The following KCNH8 variants were observed in gnomAD, a reference collection of about 807,000 sequenced individuals.
KCNH8 encodes voltage-gated delayed rectifier potassium channel KCNH8.
A neutral mutation model predicts 103.6 loss-of-function variants in KCNH8; 70 were observed. The ratio of observed to expected loss-of-function variants is 0.68; its 90% CI spans 0.56 to 0.82. The LOEUF (loss-of-function observed/expected upper bound fraction) is 0.82. Among genes scored for constraint, KCNH8 ranks in the 40% least tolerant of loss-of-function variants. The pLI is 0.00. For missense variants in KCNH8, 1,217 were observed against 1,329.9 expected (o/e 0.92, Z 1.32); for synonymous variants, 498 against 489.4 (o/e 1.02, Z -0.23).
chr3:19,173,190 C>T (rs2063364567), intron 1 of KCNH8, among the ~76,000 whole-genome samples: 2 of 151,964 alleles, frequency 1.3e-5, no homozygotes, highest in Admixed American at 6.6e-5. Flanking sequence ...AAAACAAATG[C>T]CATGCTGTAT....
intron 1 of KCNH8, among the ~76,000 whole-genome samples, chr3:19,222,925 G>A (rs2063891429): frequency 1.3e-5 from 2 of 152,222 alleles, no homozygotes; most frequent in African/African-American, 4.8e-5. Flanking sequence ...CATGCTAAGT[G>A]TAGACCTTTA....
chr3:19,315,175 C>T (rs1006551524), intron 3 of KCNH8, among the ~76,000 whole-genome samples: 1 of 151,908 alleles, frequency 6.6e-6, no homozygotes, highest in Non-Finnish European at 1.5e-5. Flanking sequence ...ATTGTGCAGA[C>T]TTGAAACTGG....
At chr3:19,193,993 G>A (rs960239381) in intron 1 of KCNH8, among the ~76,000 whole-genome samples, 1 of 151,710 alleles carries the variant, frequency 6.6e-6, no homozygotes, top group African/African-American at 2.4e-5. Context: ...TTGATAAGGT[G>A]TAGAACCGAG....
At chr3:19,271,164 T>A (rs1351880105) in intron 2 of KCNH8, among the ~76,000 whole-genome samples, 6 of 152,138 alleles carry the variant, frequency 3.9e-5, no homozygotes. Flanking sequence ...GCACTGTGTT[T>A]TGGCAGAAAG....
intron 5 of KCNH8, 73 bp downstream of exon 5, chr3:19,348,038 T>A: frequency 6.4e-7 from 1 of 1,552,150 alleles, no homozygotes; most frequent in South Asian, 1.2e-5. Context: ...TTTTCTGACA[T>A]GAATTTGAAC....
chr3:19,167,661 T>C (rs574341592), intron 1 of KCNH8, among the ~76,000 whole-genome samples: 16 of 152,350 alleles, frequency 1.1e-4, no homozygotes, highest in Admixed American at 7.8e-4. Context: ...TGTACACAGA[T>C]TCTGGTATTT....
intron 1 of KCNH8, among the ~76,000 whole-genome samples, chr3:19,231,156 AAAG>A (rs1485698081): frequency 3.3e-5 from 5 of 152,174 alleles, no homozygotes; most frequent in Admixed American, 1.3e-4. Context: ...ATTAACTGAA[AAAG>A]AAGAACTATT....
chr3:19,153,620 T>TTTC (rs1553618180), intron 1 of KCNH8, among the ~76,000 whole-genome samples: 26 of 151,318 alleles, frequency 1.7e-4, no homozygotes, highest in African/African-American at 6.0e-4. Context: ...TTTTCTTTTC[T>TTTC]TTTCTTTCTT....
At chr3:19,306,160 T>A (rs1273783541) in intron 3 of KCNH8, among the ~76,000 whole-genome samples, 1 of 152,038 alleles carries the variant, frequency 6.6e-6, no homozygotes, top group Non-Finnish European at 1.5e-5. Context: ...AATGTTCAGG[T>A]CAAATGAATA....
chr3:19,203,251 C>T (rs2063681661), intron 1 of KCNH8, among the ~76,000 whole-genome samples: 1 of 151,878 alleles, frequency 6.6e-6, no homozygotes, highest in Admixed American at 6.6e-5. Flanking sequence ...TGTTAGAGCT[C>T]CCATCTTTGA....
At chr3:19,206,853 C>G (rs76892492) in intron 1 of KCNH8, among the ~76,000 whole-genome samples, 4,277 of 151,932 alleles carry the variant, frequency 0.028, 208 homozygotes, top group African/African-American at 0.096. Flanking sequence ...GAGAGAAAAG[C>G]CTGCCAGATA....
chr3:19,396,831 G>A (rs1217062332), intron 7 of KCNH8, among the ~76,000 whole-genome samples: 1 of 151,936 alleles, frequency 6.6e-6, no homozygotes, highest in African/African-American at 2.4e-5. Context: ...GTAAATTACA[G>A]CATTAGATCT....
At chr3:19,411,052 A>C (rs2066770543) in intron 7 of KCNH8, among the ~76,000 whole-genome samples, 2 of 152,008 alleles carry the variant, frequency 1.3e-5, no homozygotes, top group South Asian at 4.1e-4. Context: ...ACCTGGTAAC[A>C]ATATAATGAA....
intron 1 of KCNH8, among the ~76,000 whole-genome samples, chr3:19,222,043 G>T (rs2063881352): frequency 6.6e-6 from 1 of 152,100 alleles, no homozygotes; most frequent in Non-Finnish European, 1.5e-5. Flanking sequence ...TAGAGATGGG[G>T]TTTCACTATG....
At position 19,534,061 on chromosome 3, in the gene KCNH8, A is replaced by G. The variant is rs190577761; in HGVS notation, c.3286A>G (p.Thr1096Ala). The G allele has an allele frequency of 5.6e-6, 9 of 1,614,106 alleles. No homozygotes were observed. In the African/African-American group the frequency reaches 1.1e-4, roughly 19 times the overall value. Residue 1096 changes from threonine (T) to alanine (A), a missense_variant, in exon 16 of 16, where the codon ACA (threonine) becomes GCA (alanine). Around this residue, in one of 3 missense-constraint regions of KCNH8, gnomAD observed 558 missense variants for 495.8 expected, o/e 1.13. Coordinates refer to ENST00000328405, the MANE Select transcript of KCNH8 (RefSeq NM_144633.3). ...CCTTCCACTGGAAGTTGTCACAAGCACAGCAGAAGTGAAAGATAACAAAGC... is the reference window on the plus strand; with the variant it reads ...CCTTCCACTGGAAGTTGTCACAAGCGCAGCAGAAGTGAAAGATAACAAAGC... ...ENLPLEVVTS[T>A]AEVKDNKAIN...
chr3:19,510,161 T>C (rs2068759313), intron 11 of KCNH8, among the ~76,000 whole-genome samples: 1 of 152,120 alleles, frequency 6.6e-6, no homozygotes, highest in South Asian at 2.1e-4. Flanking sequence ...TCCTAGAGGA[T>C]AGGATGAGGC....
chr3:19,272,127 C>G (rs879259314), intron 2 of KCNH8, among the ~76,000 whole-genome samples: 7 of 151,956 alleles, frequency 4.6e-5, no homozygotes, highest in Admixed American at 1.3e-4. Flanking sequence ...ACCTTGGATT[C>G]ATCAAATCAA....
intron 11 of KCNH8, among the ~76,000 whole-genome samples, chr3:19,468,016 G>A (rs755908274): frequency 2.7e-4 from 41 of 151,752 alleles, no homozygotes; most frequent in Admixed American, 1.2e-3. Flanking sequence ...CTTTCTTCCT[G>A]TTGTGCTACT....
At chr3:19,151,014 C>CT (rs1233777301) in intron 1 of KCNH8, among the ~76,000 whole-genome samples, 36 of 148,922 alleles carry the variant, frequency 2.4e-4, no homozygotes, top group Admixed American at 2.7e-4. Flanking sequence ...CTTTTCCTTT[C>CT]TTTTTTTTTT....
Sources: allele counts gnomAD v4.1 joint callset (sites outside exome capture counted in the v4.1 genomes callset), GRCh38; gene constraint gnomAD v4.1.1; regional missense constraint gnomAD v4.1.1; transcripts MANE v1.5; gene names NCBI Gene and HGNC (gene_info 2026-07-23, HGNC 2026-07-21).